Variants in UBAP1L observed in about 807,000 individuals in gnomAD.
UBAP1L encodes the protein ubiquitin associated protein 1 like, also known as ubiquitin-associated protein 1-like.
Under a neutral mutation model 32.1 loss-of-function variants are expected in UBAP1L, and 32 were observed. The observed-to-expected ratio is 1.00, with a 90% confidence interval of 0.75 to 1.34. The LOEUF (loss-of-function observed/expected upper bound fraction) is 1.34, where lower values mean the gene tolerates loss of function less well. Among genes scored for constraint, UBAP1L ranks in the 40% most tolerant of loss-of-function variants. The pLI, the probability that UBAP1L is intolerant of heterozygous loss-of-function variation, is 0.00. For missense variants in UBAP1L, 516 were observed against 540.5 expected, an observed-to-expected ratio of 0.95 and a Z score of 0.45; for synonymous variants, 243 against 250.2, an observed-to-expected ratio of 0.97 and a Z score of 0.27.
Position 65,092,816 on chromosome 15 carries a change from A to T in UBAP1L, c.*281T>A, listed in dbSNP as rs2087132722. 1 of 430,858 alleles carries T rather than the reference A, an allele frequency of 2.3e-6. No homozygotes were observed. Among genetic ancestry groups the T allele is most frequent in the Admixed American group, 4.6e-5 (1 of 21,846 alleles). 26.7% of individuals were successfully genotyped at this position (430,858 alleles called of 1,614,324 possible). A position where few individuals can be genotyped will look rare whatever the true frequency, so the allele number is the denominator to read the frequency against. On this transcript the variant is annotated 3_prime_UTR_variant, in exon 6 of 6. Coordinates refer to ENST00000559089, the MANE Select transcript of UBAP1L (RefSeq NM_001163692.2). ...AATTTTCTTAAAATCAAGGTTACTA[A>T]TGCACACAGTGTAAAGAGTCAAATC...
Position 65,099,544 on chromosome 15 carries a change from G to T in UBAP1L, c.870C>A (p.Ile290=). ...VALGYPLRRA[I]IALQKTGRQS... is the part of the protein sequence containing the mutation. ...GCCTCCCTGTCTTCTGCAGAGCTAT[G>T]ATGGCCCTTCGCAGGGGATATCCCA... Residue 290 remains isoleucine, a synonymous_variant, in exon 4 of 6, where the codon ATC becomes ATA. Transcript: ENST00000559089. The T allele has an allele frequency of 1.9e-6, 3 of 1,551,228 alleles. No individual in the cohort carries two copies. Among genetic ancestry groups the T allele is most frequent in the Non-Finnish European group, 2.6e-6 (3 of 1,146,940 alleles).
Position 65,102,322 on chromosome 15 carries a change from C to G in UBAP1L, c.483G>C (p.Arg161=). The G allele has an allele frequency of 3.5e-6, 5 of 1,441,634 alleles. No individual in the cohort carries two copies. Among genetic ancestry groups the G allele is most frequent in the Non-Finnish European group, 4.5e-6 (5 of 1,104,686 alleles). The allele number at this position is 1,441,634 out of a possible 1,614,324, so 89.3% of individuals were successfully genotyped here. ...GGGAGACCAGCTTCCCCTCGGAGAG[C>G]CGCCGCCGCGCCCCTGCCAGCTCCA... The part of the protein sequence containing the change: ...VRLELAGARR[R]LSEGKLVSRP... Residue 161 remains arginine (R), a synonymous_variant, in exon 3 of 6, where the codon CGG becomes CGC. Coordinates refer to ENST00000559089, the MANE Select transcript of UBAP1L (RefSeq NM_001163692.2). The surrounding 1 kb of genome is among the most constrained non-coding windows in gnomAD (Gnocchi z 5.0).
rs2087133054 is a variant in UBAP1L at position 65,092,859 on chromosome 15, T to C, written c.*238A>G. On this transcript the variant is annotated 3_prime_UTR_variant, in exon 6 of 6. Transcript: ENST00000559089. The stretch of plus-strand genomic sequence containing the variant: ...GTCAAATCAGGTGGTTTCACAGGCA[T>C]GCATGAAGAACATAGCTCCCCGTCC... The C allele has an allele frequency of 1.5e-5, 8 of 551,420 alleles. No individual in the cohort carries two copies. In the South Asian group the frequency reaches 2.1e-4, roughly 14 times the overall value. 34.2% of individuals were successfully genotyped at this position (551,420 alleles called of 1,614,324 possible).
intron 1 of UBAP1L, among the ~76,000 whole-genome samples, chr15:65,114,586 T>C (rs1346069361): frequency 1.3e-5 from 2 of 152,220 alleles, no homozygotes; most frequent in Non-Finnish European, 2.9e-5. Context: ...ATTAAGCTTC[T>C]TCACTCTAAA....
intron 2 of UBAP1L, chr15:65,105,515 C>A: frequency 2.1e-6 from 1 of 474,602 alleles, no homozygotes; most frequent in Non-Finnish European, 3.9e-6. Flanking sequence ...CCCTAAGTGG[C>A]CTGAGGTAAT....
Position 65,102,268 on chromosome 15 carries a change from G to A in UBAP1L, c.537C>T (p.Arg179=). The change falls in exon 3 of 6, where the codon CGC becomes CGT. Residue 179 remains arginine, a synonymous_variant. Coordinates refer to ENST00000559089, the MANE Select transcript of UBAP1L (RefSeq NM_001163692.2). This position sits in a 1 kb window ranked among gnomAD's most constrained non-coding sequence, Gnocchi z 5.0. Reference sequence around the variant, plus strand: ...GGCACAGGCTCAGCGCGCGGTGGCCGCGGAGGCCATGCAGGAGGGCGCGGG... The same window carrying A: ...GGCACAGGCTCAGCGCGCGGTGGCCACGGAGGCCATGCAGGAGGGCGCGGG... ...SRPRALLHGL[R]GHRALSLCPS... 1.5e-6 allele frequency: 2 copies of A among 1,329,690 alleles called. No homozygotes were observed. The highest frequency in any genetic ancestry group is 1.9e-6 in the Non-Finnish European group (2 of 1,045,596). 82.4% of individuals were successfully genotyped at this position (1,329,690 alleles called of 1,614,324 possible). A position where few individuals can be genotyped will look rare whatever the true frequency, so the allele number is the denominator to read the frequency against.
At chr15:65,113,111 C>T (rs2087379612) in intron 1 of UBAP1L, among the ~76,000 whole-genome samples, 1 of 152,174 alleles carries the variant, frequency 6.6e-6, no homozygotes, top group Non-Finnish European at 1.5e-5. Context: ...TGGCTCATGC[C>T]TGTAATCCCA....
At chr15:65,110,844 G>T (rs1285018317) in intron 1 of UBAP1L, among the ~76,000 whole-genome samples, 1 of 152,166 alleles carries the variant, frequency 6.6e-6, no homozygotes, top group African/African-American at 2.4e-5. Flanking sequence ...TCTGCAGCAG[G>T]AAGTGCCTCT....
At position 65,102,665 on chromosome 15, in the gene UBAP1L, C is replaced by G; in HGVS notation, c.140G>C (p.Arg47Thr). 1 of 1,548,116 alleles carries G rather than the reference C, an allele frequency of 6.5e-7. No homozygotes were observed. The highest frequency in any genetic ancestry group is 8.7e-7 in the Non-Finnish European group (1 of 1,146,764). The change falls in exon 3 of 6, where the codon AGG becomes ACG. Residue 47 changes from arginine (R) to threonine (T), a missense_variant. Physicochemically the swap from Arg to Thr is moderately conservative, Grantham distance 71. Coordinates refer to ENST00000559089, the MANE Select transcript of UBAP1L (RefSeq NM_001163692.2). This position sits in a 1 kb window ranked among gnomAD's most constrained non-coding sequence, Gnocchi z 5.0. ...LGSMHDFSLE[R>T]TALFWVEAAG... ...GGCCTCCACCCAGAAGAGTGCCGTC[C>G]TCTCCAGGCTGAAGTCGTGCTGCGG... is the stretch of plus-strand genomic sequence containing the variant.
chr15:65,112,653 T>G (rs1376836759), intron 1 of UBAP1L, among the ~76,000 whole-genome samples: 1 of 152,150 alleles, frequency 6.6e-6, no homozygotes, highest in African/African-American at 2.4e-5. Context: ...TACCTGCCAA[T>G]GATTCACAAA....
chr15:65,094,916 A>G lies in UBAP1L; in HGVS notation c.910-340T>C. On this transcript the variant is annotated intron_variant, in intron 4 of 5. Coordinates refer to ENST00000559089, the MANE Select transcript of UBAP1L (RefSeq NM_001163692.2). The surrounding 1 kb of genome is among the most constrained non-coding windows in gnomAD (Gnocchi z 4.2). ...GACATCCCACCTACCACCCAACGCAATTCAACATTCATGCACCACCCACCC... is the reference window on the plus strand; with the variant it reads ...GACATCCCACCTACCACCCAACGCAGTTCAACATTCATGCACCACCCACCC... 2.8e-6 allele frequency: 1 copy of G among 351,776 alleles called. No individual in the cohort carries two copies. Among genetic ancestry groups the G allele is most frequent in the African/African-American group, 2.1e-5 (1 of 47,586 alleles). The allele number at this position is 351,776 out of a possible 1,614,324, so 21.8% of individuals were successfully genotyped here. A position where few individuals can be genotyped will look rare whatever the true frequency, so the allele number is the denominator to read the frequency against.
chr15:65,104,954 C>T, intron 2 of UBAP1L: 2 of 348,404 alleles, frequency 5.7e-6, no homozygotes. Flanking sequence ...TTGCAGTGAG[C>T]CGAGATTGCG....
At chr15:65,093,633 C>T (rs749146510) in intron 5 of UBAP1L, among the ~76,000 whole-genome samples, 15 of 152,320 alleles carry the variant, frequency 9.8e-5, no homozygotes, top group Non-Finnish European at 1.5e-4. Context: ...CCTTCCCCTC[C>T]GACCCCAGGG....
intron 4 of UBAP1L, chr15:65,099,182 G>A (rs1468681251): frequency 3.1e-6 from 1 of 326,962 alleles, no homozygotes; most frequent in Non-Finnish European, 5.8e-6. Context: ...CCCTTTCACT[G>A]CAGGACTTAC....
At chr15:65,098,210 T>C (rs1363627456) in intron 4 of UBAP1L, 1 of 152,228 alleles carries the variant, frequency 6.6e-6, no homozygotes, top group Non-Finnish European at 1.5e-5. Context: ...ATTCTCTTTT[T>C]CTCATCTCCT....
At position 65,102,061 on chromosome 15, in the gene UBAP1L, TG is replaced by T; in HGVS notation, c.699+44del. 1 of 915,070 alleles carries T rather than the reference TG, an allele frequency of 1.1e-6. No homozygotes were observed. Among genetic ancestry groups the T allele is most frequent in the Non-Finnish European group, 1.4e-6 (1 of 707,056 alleles). The allele number at this position is 915,070 out of a possible 1,614,324, so 56.7% of individuals were successfully genotyped here. Reference sequence around the variant, plus strand: ...GGCTGGACACCCAGATTATGGGGCCTGGGCTGCTGATTGGCGGCCTTGGAGG... The same window carrying T: ...GGCTGGACACCCAGATTATGGGGCCTGGCTGCTGATTGGCGGCCTTGGAGG... On this transcript the variant is annotated intron_variant, in intron 3 of 5. Transcript: ENST00000559089. This position sits in a 1 kb window ranked among gnomAD's most constrained non-coding sequence, Gnocchi z 5.0.
At chr15:65,099,778 A>G in intron 3 of UBAP1L, 64 bp from the exon 4 acceptor site, 1 of 1,403,894 alleles carries the variant, frequency 7.1e-7, no homozygotes, top group Non-Finnish European at 9.7e-7. Flanking sequence ...TGGGCTGGAC[A>G]TTTTTAAAAA....
intron 3 of UBAP1L, among the ~76,000 whole-genome samples, chr15:65,101,818 AAG>A (rs2087242400): frequency 6.6e-6 from 1 of 152,176 alleles, no homozygotes; most frequent in South Asian, 2.1e-4. Flanking sequence ...CCTCGTTTAG[AAG>A]AGACAGGTCC....
At chr15:65,108,678 G>A (rs1003315990) in intron 1 of UBAP1L, among the ~76,000 whole-genome samples, 1 of 152,054 alleles carries the variant, frequency 6.6e-6, no homozygotes, top group Non-Finnish European at 1.5e-5. Flanking sequence ...CTGGGAGGAT[G>A]AGGCTGCAGT....
Sources: gnomAD v4.1 joint callset for allele counts (sites outside exome capture counted in the v4.1 genomes callset) on GRCh38, gnomAD v4.1.1 for gene constraint, Gnocchi (gnomAD v3.1) non-coding constraint, MANE v1.5 for transcripts, NCBI Gene and HGNC (gene_info 2026-07-23, HGNC 2026-07-21) for gene names.